BMP2K: variants seen among roughly 807,000 people sequenced by gnomAD.
BMP2K encodes BMP2 inducible kinase.
BMP2K carries 74 observed loss-of-function variants against 116.0 expected under a neutral mutation model. The observed-to-expected ratio is 0.64, with a 90% CI of 0.53 to 0.77. BMP2K has a LOEUF of 0.77. BMP2K is among the 30% of genes least tolerant of loss of function. BMP2K has a pLI of 0.00. For synonymous variants in BMP2K, 486 were observed against 502.5 expected, an observed-to-expected ratio of 0.97 and a Z score of 0.44; for missense variants, 1,365 against 1,403.6, an observed-to-expected ratio of 0.97 and a Z score of 0.44.
At chr4:78,777,089 G>A (rs1312644056) in intron 1 of BMP2K, among the ~76,000 whole-genome samples, 1 of 152,160 alleles carries the variant, frequency 6.6e-6, no homozygotes, top group African/African-American at 2.4e-5. Flanking sequence ...TGGCTCAGAC[G>A]GGTGTCATGC....
At position 78,842,439 on chromosome 4, in the gene BMP2K, C is replaced by T; in HGVS notation, c.458C>T (p.Pro153Leu). ...AAGCTACAGACGGGTTTTACAGAAC[C>T]AGAAGTGTTACAGATATTCTGTGAT... The part of the protein sequence containing the change: ...NKKLQTGFTE[P>L]EVLQIFCDTC... Residue 153 changes from proline to leucine, a missense_variant, in exon 4 of 16, where the codon CCA becomes CTA. By Grantham distance (98) the Pro-to-Leu change is moderately conservative. Around this residue, in one of 3 missense-constraint regions of BMP2K, gnomAD observed 762 missense variants for 756.7 expected, o/e 1.01. Transcript: ENST00000502613. The T allele has an allele frequency of 1.2e-6, 2 of 1,607,700 alleles. No homozygotes were observed. The highest frequency in any genetic ancestry group is 1.7e-6 in the Non-Finnish European group (2 of 1,175,578).
intron 1 of BMP2K, among the ~76,000 whole-genome samples, chr4:78,821,162 A>G (rs1250873178): frequency 1.2e-4 from 19 of 152,030 alleles, no homozygotes; most frequent in Admixed American, 1.0e-3. Flanking sequence ...TTGTTTTACT[A>G]TCTTGTCATC....
intron 3 of BMP2K, among the ~76,000 whole-genome samples, chr4:78,834,283 A>G (rs1577910522): frequency 6.8e-6 from 1 of 147,286 alleles, no homozygotes; most frequent in East Asian, 2.0e-4. Context: ...TTTTTTTGAG[A>G]CGGAGTCTCG....
chr4:78,884,096 G>C (rs1379175486), intron 14 of BMP2K, among the ~76,000 whole-genome samples: 1 of 151,816 alleles, frequency 6.6e-6, no homozygotes, highest in Non-Finnish European at 1.5e-5. Context: ...CTATAATCCA[G>C]CACTTTGGGA....
intron 4 of BMP2K, among the ~76,000 whole-genome samples, chr4:78,842,937 A>G (rs1730830386): frequency 6.6e-6 from 1 of 152,022 alleles, no homozygotes; most frequent in Non-Finnish European, 1.5e-5. Flanking sequence ...GGAGGAGACC[A>G]TAAGTGGGTC....
chr4:78,870,908 T>A lies in BMP2K; in HGVS notation c.1357T>A (p.Leu453Ile). ...AGATTGGAGATTACAGCAACTCCAT[T>A]TACAGCATCGTCATCCTCACCAGCA... Reference protein sequence around the residue: ...QGDWRLQQLHLQHRHPHQQQQ... With the variant: ...QGDWRLQQLHIQHRHPHQQQQ... Residue 453 changes from leucine to isoleucine, a missense_variant, in exon 11 of 16, where the codon TTA becomes ATA. Physicochemically the swap from Leu to Ile is conservative, Grantham distance 5. Around this residue, in one of 3 missense-constraint regions of BMP2K, gnomAD observed 762 missense variants for 756.7 expected, o/e 1.01. Transcript: ENST00000502613. 6.2e-7 allele frequency: 1 copy of A among 1,611,892 alleles called. No individual in the cohort carries two copies. The highest frequency in any genetic ancestry group is 2.2e-5 in the East Asian group (1 of 44,752).
intron 1 of BMP2K, among the ~76,000 whole-genome samples, chr4:78,793,486 T>A (rs561141558): frequency 6.6e-6 from 1 of 151,656 alleles, no homozygotes; most frequent in Non-Finnish European, 1.5e-5. Flanking sequence ...GGTTTAAAAA[T>A]TTTCAGATTT....
intron 9 of BMP2K, among the ~76,000 whole-genome samples, chr4:78,862,529 T>C (rs1731846924): frequency 6.6e-6 from 1 of 152,078 alleles, no homozygotes; most frequent in Admixed American, 6.6e-5. Context: ...AGGGGACATA[T>C]ACAGGAGTAG....
chr4:78,833,449 T>C, intron 2 of BMP2K, 133 bp from the exon 3 acceptor site: 1 of 518,894 alleles, frequency 1.9e-6, no homozygotes, highest in Non-Finnish European at 3.2e-6. Context: ...TTGCTTGAAA[T>C]ATGTTAGATT....
chr4:78,827,157 A>T (rs1729910667), intron 2 of BMP2K, among the ~76,000 whole-genome samples: 1 of 152,212 alleles, frequency 6.6e-6, no homozygotes, highest in South Asian at 2.1e-4. Flanking sequence ...CCCATTGTTG[A>T]ACATTATGGA....
intron 2 of BMP2K, among the ~76,000 whole-genome samples, chr4:78,829,787 T>TTTCTTTTCTTTTCTCTTCTC (rs71216237): frequency 8.0e-4 from 69 of 86,628 alleles, no homozygotes; most frequent in Middle Eastern, 5.3e-3. Context: ...TTTCTTTTCT[T>TTTCTTTTCTTTTCTCTTCTC]TTCTCTTCTC....
intron 1 of BMP2K, among the ~76,000 whole-genome samples, chr4:78,790,122 A>G (rs1329005736): frequency 6.6e-6 from 1 of 152,230 alleles, no homozygotes; most frequent in African/African-American, 2.4e-5. Flanking sequence ...CTATGATATT[A>G]TAAAACAGTT....
Position 78,891,162 on chromosome 4 carries a change from G to A in BMP2K, c.2062+3878G>A, listed in dbSNP as rs377178427. On this transcript the variant is annotated intron_variant, in intron 15 of 15. Coordinates refer to ENST00000502613, the MANE Select transcript of BMP2K (RefSeq NM_198892.2). ...ATAATTTTCCCTGTGAGTTTTAAGAGGCACTGCTTCATAGTATTTTAGCTT... is the reference window on the plus strand; with the variant it reads ...ATAATTTTCCCTGTGAGTTTTAAGAAGCACTGCTTCATAGTATTTTAGCTT... Among the ~76,000 whole-genome samples, 11 of 152,252 alleles carry A rather than the reference G, an allele frequency of 7.2e-5. No homozygotes were observed. In the East Asian group the frequency reaches 1.7e-3, roughly 24 times the overall value.
intron 1 of BMP2K, among the ~76,000 whole-genome samples, chr4:78,791,563 T>A (rs1727999402): frequency 1.5e-5 from 2 of 133,766 alleles, no homozygotes; most frequent in South Asian, 5.2e-4. Flanking sequence ...AAAATTTTCA[T>A]CATTTTAAAC....
In BMP2K at chr4:78,911,243, C is replaced by T; in HGVS notation, c.2696C>T (p.Thr899Ile). Residue 899 changes from threonine to isoleucine, a missense_variant, in exon 16 of 16, where the codon ACA (threonine) becomes ATA (isoleucine). By Grantham distance (89) the Thr-to-Ile change is moderately conservative (BLOSUM62 -1). Around this residue, in one of 3 missense-constraint regions of BMP2K, gnomAD observed 596 missense variants for 623.2 expected, o/e 0.96. Transcript: ENST00000502613. ...GAGCAGGAGGAATTTGATGTATTCACAAAGGCGCCTTTTAGCAAGAAGGTG... is the reference window on the plus strand; with the variant it reads ...GAGCAGGAGGAATTTGATGTATTCATAAAGGCGCCTTTTAGCAAGAAGGTG... ...GLEQEEFDVF[T>I]KAPFSKKVNV... 1 of 1,613,994 alleles carries T rather than the reference C, an allele frequency of 6.2e-7. No individual in the cohort carries two copies. The highest frequency in any genetic ancestry group is 1.3e-5 in the African/African-American group (1 of 75,050).
intron 7 of BMP2K, among the ~76,000 whole-genome samples, chr4:78,855,207 T>C (rs1388791222): frequency 2.0e-5 from 3 of 152,160 alleles, no homozygotes; most frequent in Non-Finnish European, 4.4e-5. Flanking sequence ...GAGTAACATG[T>C]AAGTTTCTAT....
chr4:78,844,939 T>C lies in BMP2K; in HGVS notation c.558T>C (p.Ile186=). 1 of 1,595,694 alleles carries C rather than the reference T, an allele frequency of 6.3e-7. No homozygotes were observed. The highest frequency in any genetic ancestry group is 8.6e-7 in the Non-Finnish European group (1 of 1,165,968). The change falls in exon 5 of 16, where the codon ATT becomes ATC. Residue 186 remains isoleucine, a synonymous_variant. Transcript: ENST00000502613. ...IIHRDLKVEN[I]LLNDGGNYVL... ...TTTCTTTTCTTAAGGTAGAAAATAT[T>C]TTGTTGAATGATGGTGGGAACTATG...
At chr4:78,844,819 T>C (rs1382555625) in intron 4 of BMP2K, 109 bp from the exon 5 acceptor site, 2 of 913,484 alleles carry the variant, frequency 2.2e-6, no homozygotes, top group African/African-American at 3.3e-5. Context: ...TCGGTGTTTA[T>C]TGTGTAAAAA....
intron 3 of BMP2K, among the ~76,000 whole-genome samples, chr4:78,839,258 CCT>C (rs1454434167): frequency 6.6e-6 from 1 of 152,148 alleles, no homozygotes; most frequent in African/African-American, 2.4e-5. Flanking sequence ...TGTCCGTCAT[CCT>C]CTTTCTGTCA....
Sources: gnomAD v4.1 joint callset for allele counts (sites outside exome capture counted in the v4.1 genomes callset) on GRCh38, gnomAD v4.1.1 for gene constraint, gnomAD v4.1.1 regional missense constraint, MANE v1.5 for transcripts, NCBI Gene and HGNC (gene_info 2026-07-23, HGNC 2026-07-21) for gene names.